Variants in SMARCA2 observed in about 807,000 individuals in gnomAD.
The protein encoded by SMARCA2 is SWI/SNF related BAF chromatin remodeling complex subunit ATPase 2.
Under a neutral mutation model 199.8 loss-of-function variants are expected in SMARCA2, and 61 were observed. The ratio of observed to expected loss-of-function variants is 0.31; its 90% CI spans 0.25 to 0.38. SMARCA2 has a LOEUF of 0.38. Ranked by LOEUF, SMARCA2 falls within the 10% of genes least tolerant of loss-of-function variation. The probability of loss-of-function intolerance (pLI) is 1.00; values close to 1 mark genes in which losing one functional copy is unlikely to be tolerated. For synonymous variants in SMARCA2, 935 were observed against 732.0 expected (o/e 1.28, Z -4.48); for missense variants, 1,344 against 2,012.2 (o/e 0.67, Z 6.35).
At chr9:2,118,881 C>T (rs746880696) in intron 25 of SMARCA2, among the ~76,000 whole-genome samples, 5 of 152,054 alleles carry the variant, frequency 3.3e-5, no homozygotes, top group Non-Finnish European at 7.4e-5. Flanking sequence ...CCATCCATAG[C>T]TCCAATCATT....
chr9:2,088,640 GT>G (rs745858512), intron 19 of SMARCA2, 27 bp downstream of exon 19: 1,120 of 1,389,798 alleles, frequency 8.1e-4, no homozygotes, highest in Middle Eastern at 1.7e-3. Context: ...AAAGTTGTGG[GT>G]TTTTTTTTTC....
intron 2 of SMARCA2, among the ~76,000 whole-genome samples, chr9:2,029,708 G>C (rs956717331): frequency 7.2e-5 from 11 of 152,184 alleles, no homozygotes; most frequent in African/African-American, 2.7e-4. Context: ...TTTTTGGAAA[G>C]GGCTTTATTG....
intron 4 of SMARCA2, chr9:2,045,990 GA>G (rs1418719289): frequency 2.0e-5 from 3 of 152,096 alleles, no homozygotes; most frequent in African/African-American, 7.2e-5. Flanking sequence ...GTGATTGTTG[GA>G]AATTGAATAA....
chr9:2,113,333 G>A (rs1021197008), intron 24 of SMARCA2, among the ~76,000 whole-genome samples: 4 of 152,084 alleles, frequency 2.6e-5, no homozygotes, highest in Admixed American at 6.5e-5. Flanking sequence ...GTTGGTACTC[G>A]TGTTTTTTAC....
At position 2,103,631 on chromosome 9, in the gene SMARCA2, C is replaced by T. The variant is rs570886069; in HGVS notation, c.3126-372C>T. Reference sequence around the variant, plus strand: ...GAAATTTACAGAAACATGGCATATACGTGTGTGTGTACGTGTGTGTGTGTG... The same window carrying T: ...GAAATTTACAGAAACATGGCATATATGTGTGTGTGTACGTGTGTGTGTGTG... On this transcript the variant is annotated intron_variant, in intron 22 of 33. Transcript: ENST00000349721. Among the ~76,000 whole-genome samples, 8 of 144,892 alleles carry T rather than the reference C, an allele frequency of 5.5e-5. No homozygotes were observed. In the South Asian group the frequency reaches 8.7e-4, roughly 16 times the overall value.
At chr9:2,080,824 A>T (rs1284633381) in intron 14 of SMARCA2, among the ~76,000 whole-genome samples, 1 of 152,048 alleles carries the variant, frequency 6.6e-6, no homozygotes, top group Admixed American at 6.5e-5. Flanking sequence ...GGCACTGTCA[A>T]CCACTTCTTG....
In SMARCA2 at chr9:2,096,638, ACTGTT is replaced by A. The variant is rs1563765644; in HGVS notation, c.2884-16_2884-12del. ...TTCTCCTTCCTGCTCTTGCCTACTT[ACTGTT>A]CTCTTTTCTGCAGGTGGAATATGTG... On this transcript the variant is annotated splice_polypyrimidine_tract_variant and intron_variant, in intron 19 of 33. Transcript: ENST00000349721. 2 of 1,547,868 alleles carry A rather than the reference ACTGTT, an allele frequency of 1.3e-6. No homozygotes were observed. Among genetic ancestry groups the A allele is most frequent in the Non-Finnish European group, 1.8e-6 (2 of 1,119,782 alleles).
intron 1 of SMARCA2, among the ~76,000 whole-genome samples, chr9:2,027,090 A>C (rs539505788): frequency 6.7e-6 from 1 of 148,480 alleles, no homozygotes; most frequent in East Asian, 2.0e-4. Context: ...CCTACACTTT[A>C]AGGATTTCTT....
chr9:2,100,656 C>G (rs1195328110), intron 21 of SMARCA2, among the ~76,000 whole-genome samples: 4 of 151,508 alleles, frequency 2.6e-5, no homozygotes, highest in African/African-American at 9.7e-5. Flanking sequence ...TGAGCTGAGA[C>G]TGCGCCACTG....
At chr9:2,084,308 T>G in intron 17 of SMARCA2, 112 bp downstream of exon 17, 1 of 624,790 alleles carries the variant, frequency 1.6e-6, no homozygotes, top group Non-Finnish European at 2.8e-6. Context: ...TCCTTTTCTT[T>G]ATTTTTCTAA....
In SMARCA2 at chr9:2,030,954, G is replaced by A. The variant is rs544918742; in HGVS notation, c.225+1707G>A. On this transcript the variant is annotated intron_variant, in intron 2 of 33. Transcript: ENST00000349721. Reference sequence around the variant, plus strand: ...AAGTAATATATGGTTATTTTGAAAAGGAAAACAATACTGAGATAAACAGAT... The same window carrying A: ...AAGTAATATATGGTTATTTTGAAAAAGAAAACAATACTGAGATAAACAGAT... 7.9e-5 allele frequency among the ~76,000 whole-genome samples: 12 copies of A among 152,232 alleles called. No homozygotes were observed. The East Asian group carries it at 2.3e-3, about 29-fold the overall frequency.
chr9:2,020,082 C>T (rs953048663), intron 1 of SMARCA2, among the ~76,000 whole-genome samples: 9 of 152,008 alleles, frequency 5.9e-5, no homozygotes, highest in African/African-American at 1.5e-4. Flanking sequence ...ATTTAAGGGA[C>T]GATAGGGACA....
chr9:2,142,052 C>A (rs1824488037), intron 27 of SMARCA2, among the ~76,000 whole-genome samples: 1 of 152,114 alleles, frequency 6.6e-6, no homozygotes, highest in South Asian at 2.1e-4. Context: ...TTCTGCCAAG[C>A]AGTTAGGACC....
chr9:2,118,698 C>T (rs539984560), intron 25 of SMARCA2, among the ~76,000 whole-genome samples: 18 of 152,264 alleles, frequency 1.2e-4, no homozygotes, highest in Admixed American at 6.5e-4. Context: ...TGCTAAAAAT[C>T]CTGAGAACTG....
At chr9:2,147,857 A>C (rs1176550100) in intron 27 of SMARCA2, among the ~76,000 whole-genome samples, 2 of 151,326 alleles carry the variant, frequency 1.3e-5, no homozygotes, top group African/African-American at 4.8e-5. Context: ...CAAAAAAAAA[A>C]AGTAGGGCCT....
intron 1 of SMARCA2, among the ~76,000 whole-genome samples, chr9:2,023,614 G>A (rs1033008548): frequency 1.3e-5 from 2 of 152,200 alleles, no homozygotes; most frequent in African/African-American, 4.8e-5. Flanking sequence ...AAGAAGCAGT[G>A]TGGGCCTTGG....
chr9:2,150,958 C>T (rs1825034058), intron 27 of SMARCA2, among the ~76,000 whole-genome samples: 3 of 151,510 alleles, frequency 2.0e-5, no homozygotes, highest in Admixed American at 2.0e-4. Flanking sequence ...TCTTTAAAAG[C>T]CCTATCTCAA....
intron 29 of SMARCA2, among the ~76,000 whole-genome samples, chr9:2,174,920 C>T (rs546809056): frequency 1.7e-4 from 12 of 68,902 alleles, no homozygotes; most frequent in Admixed American, 2.2e-4. Flanking sequence ...GTGAGACCCT[C>T]TCTCAAAAAA....
intron 29 of SMARCA2, among the ~76,000 whole-genome samples, chr9:2,179,176 T>TG (rs989531858): frequency 3.9e-5 from 6 of 152,054 alleles, no homozygotes; most frequent in African/African-American, 1.2e-4. Context: ...CCATGAAAGT[T>TG]GGGGGTACAC....
Sources: gnomAD v4.1 joint callset for allele counts (sites outside exome capture counted in the v4.1 genomes callset) on GRCh38, gnomAD v4.1.1 for gene constraint, MANE v1.5 for transcripts, NCBI Gene and HGNC (gene_info 2026-07-23, HGNC 2026-07-21) for gene names.